Variants in MFGE8 observed in about 807,000 individuals in gnomAD.
MFGE8 encodes the protein milk fat globule EGF and factor V/VIII domain containing, also known as lactadherin.
MFGE8 carries 34 observed loss-of-function variants against 42.6 expected under a neutral mutation model. That is an observed-to-expected ratio of 0.80 (90% CI 0.61 to 1.06). The LOEUF (loss-of-function observed/expected upper bound fraction) is 1.06. Ranked by LOEUF, MFGE8 falls within the 50% of genes least tolerant of loss-of-function variation. The probability of loss-of-function intolerance (pLI) is 0.00; values close to 1 mark genes in which losing one functional copy is unlikely to be tolerated. For synonymous variants in MFGE8, 230 were observed against 214.8 expected, an observed-to-expected ratio of 1.07 and a Z score of -0.62; for missense variants, 510 against 516.9, an observed-to-expected ratio of 0.99 and a Z score of 0.13.
chr15:88,909,266 G>A (rs1567024152), intron 2 of MFGE8, among the ~76,000 whole-genome samples: 1 of 152,222 alleles, frequency 6.6e-6, no homozygotes, highest in East Asian at 1.9e-4. Flanking sequence ...ACCGCGTGGG[G>A]ATGGTTCAGC....
intron 6 of MFGE8, among the ~76,000 whole-genome samples, chr15:88,900,511 C>G (rs1299813079): frequency 6.6e-6 from 1 of 152,186 alleles, no homozygotes; most frequent in Non-Finnish European, 1.5e-5. Flanking sequence ...CACAGGCAGG[C>G]AGCTCCTCAG....
chr15:88,906,548 G>T lies in MFGE8; in HGVS notation c.540+78C>A. ...CAATCACCTAGGGTTCTCTGGACTC[G>T]CTGGGGGTCCTCAGTCAATGCTAGA... On this transcript the variant is annotated intron_variant, in intron 4 of 7. Coordinates refer to ENST00000268150, the MANE Select transcript of MFGE8 (RefSeq NM_005928.4). The surrounding 1 kb of genome is among the most constrained non-coding windows in gnomAD (Gnocchi z 4.2). 1 of 1,558,158 alleles carries T rather than the reference G, an allele frequency of 6.4e-7. No individual in the cohort carries two copies. The highest frequency in any genetic ancestry group is 8.8e-7 in the Non-Finnish European group (1 of 1,130,556).
At chr15:88,900,950 C>T (rs1317084238) in intron 6 of MFGE8, among the ~76,000 whole-genome samples, 4 of 113,892 alleles carry the variant, frequency 3.5e-5, no homozygotes, top group Non-Finnish European at 6.1e-5. Flanking sequence ...TGGCTCTCCC[C>T]TTGTGTACAC....
intron 5 of MFGE8, 153 bp from the exon 6 acceptor site, chr15:88,901,888 C>A (rs1406071159): frequency 1.3e-6 from 1 of 750,046 alleles, no homozygotes. Flanking sequence ...CCTTGCAGGG[C>A]CAACTGTGCG....
intron 6 of MFGE8, among the ~76,000 whole-genome samples, chr15:88,901,295 ATT>A (rs1229842897): frequency 1.1e-4 from 14 of 126,730 alleles, no homozygotes; most frequent in South Asian, 7.9e-4. Flanking sequence ...ATTCACACAC[ATT>A]CACACACTCA....
chr15:88,912,002 T>C, intron 1 of MFGE8: 1 of 695,022 alleles, frequency 1.4e-6, no homozygotes, highest in Non-Finnish European at 2.2e-6. Context: ...AGACAGAGGC[T>C]TGGGTTGGGA....
intron 6 of MFGE8, among the ~76,000 whole-genome samples, chr15:88,901,084 T>G (rs1596189026): frequency 2.0e-5 from 1 of 50,200 alleles, no homozygotes; most frequent in African/African-American, 5.6e-5. Context: ...CACATACACA[T>G]TCACACACAT....
rs201019211 is a variant in MFGE8, at chr15:88,909,811, C to T, written c.186G>A (p.Ala62=). The T allele has an allele frequency of 4.0e-5, 65 of 1,614,174 alleles. No individual in the cohort carries two copies. The highest frequency in any genetic ancestry group is 1.7e-4 in the Middle Eastern group (1 of 6,054). Residue 62 remains alanine, a synonymous_variant, in exon 2 of 8, where the codon GCG becomes GCA. Transcript: ENST00000268150. ...SYTCTCLKGY[A]GNHCETKCVE... ...ACTCACTCGTCTCACAGTGGTTGCC[C>T]GCGTAGCCCTTAAGGCACGTGCAGG...
Position 88,906,867 on chromosome 15 carries a change from T to TG in MFGE8, c.388-90dup. 6.7e-7 allele frequency: 1 copy of TG among 1,484,486 alleles called. No homozygotes were observed. The highest frequency in any genetic ancestry group is 9.4e-7 in the Non-Finnish European group (1 of 1,067,020). The allele number at this position is 1,484,486 out of a possible 1,614,324, so 92.0% of individuals were successfully genotyped here. ...CAGACCCATCCCTTCACTCCCCCAC[T>TG]GGGTGGGGGAACAACTCAAGCAAAA... On this transcript the variant is annotated intron_variant, in intron 3 of 7. Transcript: ENST00000268150. The surrounding 1 kb of genome is among the most constrained non-coding windows in gnomAD (Gnocchi z 4.2).
intron 2 of MFGE8, among the ~76,000 whole-genome samples, chr15:88,908,052 G>A (rs1280260167): frequency 6.6e-6 from 1 of 152,138 alleles, no homozygotes; most frequent in African/African-American, 2.4e-5. Flanking sequence ...TTCCACCTGT[G>A]GGCCCTCACC....
chr15:88,904,531 T>C (rs1898577097), intron 5 of MFGE8: 2 of 152,260 alleles, frequency 1.3e-5, no homozygotes, highest in Admixed American at 1.3e-4. Context: ...TACAGGCAAC[T>C]TTAATGGCCA....
Position 88,902,121 on chromosome 15 carries a change from C to T in MFGE8, c.686-386G>A. ...GGGCAGGATTTCTTCCTCTTCTGGA[C>T]TCACAGCACTGCCCCCATCGCCTCG... On this transcript the variant is annotated intron_variant, in intron 5 of 7. Coordinates refer to ENST00000268150, the MANE Select transcript of MFGE8 (RefSeq NM_005928.4). The surrounding 1 kb of genome is among the most constrained non-coding windows in gnomAD (Gnocchi z 4.3). 6.3e-6 allele frequency: 2 copies of T among 316,334 alleles called. No homozygotes were observed. The highest frequency in any genetic ancestry group is 1.2e-5 in the Non-Finnish European group (2 of 161,068). 19.6% of individuals were successfully genotyped at this position (316,334 alleles called of 1,614,324 possible). A position where few individuals can be genotyped will look rare whatever the true frequency, so the allele number is the denominator to read the frequency against.
At chr15:88,907,066 A>G in intron 3 of MFGE8, 129 bp downstream of exon 3, 1 of 1,216,320 alleles carries the variant, frequency 8.2e-7, no homozygotes, top group Non-Finnish European at 1.2e-6. Context: ...CAGATACTTC[A>G]TCCATGGGAA....
intron 5 of MFGE8, 82 bp from the exon 6 acceptor site, chr15:88,901,817 A>C: frequency 7.3e-7 from 1 of 1,376,326 alleles, no homozygotes. Flanking sequence ...AGCAGAAAGA[A>C]CTCTGTGGAT....
At position 88,903,176 on chromosome 15, in the gene MFGE8, G is replaced by A. The variant is rs147356614; in HGVS notation, c.686-1441C>T. ...ACCAATTCTGCACAATGTGCTCAAC[G>A]CAGACCCCTCTACAGATCATCTGCT... On this transcript the variant is annotated intron_variant, in intron 5 of 7. Transcript: ENST00000268150. This position sits in a 1 kb window ranked among gnomAD's most constrained non-coding sequence, Gnocchi z 4.9. The A allele has an allele frequency of 1.3e-3, 193 of 152,310 alleles. No homozygotes were observed. The highest frequency in any genetic ancestry group is 2.3e-3 in the Non-Finnish European group (158 of 68,046). 9.4% of individuals were successfully genotyped at this position (152,310 alleles called of 1,614,324 possible).
intron 1 of MFGE8, among the ~76,000 whole-genome samples, chr15:88,911,654 C>T (rs188267645): frequency 5.3e-5 from 8 of 151,832 alleles, no homozygotes; most frequent in South Asian, 4.2e-4. Flanking sequence ...ATGAACCCAG[C>T]GGGCGAAGCT....
intron 5 of MFGE8, 94 bp from the exon 6 acceptor site, chr15:88,901,829 C>G (rs1311469377): frequency 1.6e-6 from 2 of 1,228,060 alleles, no homozygotes; most frequent in Non-Finnish European, 2.4e-6. Context: ...TCTGTGGATC[C>G]TGACCAGCCC....
chr15:88,900,839 G>A, intron 6 of MFGE8: 1 of 793,890 alleles, frequency 1.3e-6, no homozygotes, highest in Non-Finnish European at 1.5e-6. Context: ...TGTGCTCAAG[G>A]GAGAGGTCCC....
In MFGE8 at chr15:88,909,133, G is replaced by C. The variant is rs576456073; in HGVS notation, c.205+659C>G. 1.7e-4 allele frequency among the ~76,000 whole-genome samples: 26 copies of C among 152,348 alleles called. 1 individual carries two copies. The South Asian group carries it at 3.9e-3, about 23-fold the overall frequency. On this transcript the variant is annotated intron_variant, in intron 2 of 7. Coordinates refer to ENST00000268150, the MANE Select transcript of MFGE8 (RefSeq NM_005928.4). ...GTGGGAGGGACTCCAGCTGGGCCTG[G>C]AGGGAGGACAGCAGGGGAACTGCTG...
Sources: allele counts gnomAD v4.1 joint callset (sites outside exome capture counted in the v4.1 genomes callset), GRCh38; gene constraint gnomAD v4.1.1; non-coding constraint Gnocchi (gnomAD v3.1); transcripts MANE v1.5; gene names NCBI Gene and HGNC (gene_info 2026-07-23, HGNC 2026-07-21).